The following ATP6V0A1 variants were observed in gnomAD, a reference collection of about 807,000 sequenced individuals.
ATP6V0A1 encodes V-type proton ATPase 116 kDa subunit a 1.
A neutral mutation model predicts 105.4 loss-of-function variants in ATP6V0A1; 43 were observed. The ratio of observed to expected loss-of-function variants is 0.41; its 90% CI spans 0.32 to 0.53. The LOEUF (loss-of-function observed/expected upper bound fraction) is 0.53. Ranked by LOEUF, ATP6V0A1 falls within the 20% of genes least tolerant of loss-of-function variation. The pLI is 0.30. For synonymous variants in ATP6V0A1, 362 were observed against 372.8 expected, an observed-to-expected ratio of 0.97 and a Z score of 0.33; for missense variants, 676 against 1,051.1, an observed-to-expected ratio of 0.64 and a Z score of 4.93.
At chr17:42,478,791 T>TAC in intron 7 of ATP6V0A1, 3 of 338,522 alleles carry the variant, frequency 8.9e-6, no homozygotes, top group Non-Finnish European at 1.5e-5. Flanking sequence ...ATACATGACA[T>TAC]ATACATATTT....
In ATP6V0A1 at chr17:42,468,135, G is replaced by A. The variant is rs779504261; in HGVS notation, c.294+28G>A. On this transcript the variant is annotated intron_variant, in intron 4 of 21. Transcript: ENST00000343619. ...AAACACTTCTGGGAAAACCAGAAAA[G>A]TTTCTTTCTACTTGAACGCAGAAAT... The A allele has an allele frequency of 4.1e-6, 6 of 1,470,908 alleles. No individual in the cohort carries two copies. The South Asian group carries it at 7.7e-5, about 19-fold the overall frequency. 91.1% of individuals were successfully genotyped at this position (1,470,908 alleles called of 1,614,324 possible).
In ATP6V0A1 at chr17:42,507,565, G is replaced by A; in HGVS notation, c.2050G>A (p.Glu684Lys). ...GATCAGGGTGGGCAACGGACCGACA[G>A]AGGAGGATGCTGAGATTATTCAGCA... is the stretch of plus-strand genomic sequence containing the variant. Reference protein sequence around the residue: ...GGIRVGNGPTEEDAEIIQHDQ... With the variant: ...GGIRVGNGPTKEDAEIIQHDQ... The change falls in exon 18 of 22, where the codon GAG becomes AAG. Residue 684 changes from glutamate (E) to lysine (K), a missense_variant. Coordinates refer to ENST00000343619, the MANE Select transcript of ATP6V0A1 (RefSeq NM_001130021.3). The A allele has an allele frequency of 6.2e-7, 1 of 1,613,766 alleles. No homozygotes were observed. Among genetic ancestry groups the A allele is most frequent in the Non-Finnish European group, 8.5e-7 (1 of 1,179,892 alleles).
intron 5 of ATP6V0A1, chr17:42,470,559 T>G: frequency 5.4e-6 from 1 of 185,396 alleles, no homozygotes; most frequent in Non-Finnish European, 1.1e-5. Context: ...GAAGCAAACA[T>G]TTGGTTATAG....
chr17:42,461,316 G>A (rs775398148), intron 2 of ATP6V0A1, among the ~76,000 whole-genome samples: 8 of 151,806 alleles, frequency 5.3e-5, no homozygotes, highest in Non-Finnish European at 1.0e-4. Context: ...AAATAGCAAG[G>A]TATTTAAAAA....
In ATP6V0A1 at chr17:42,487,516, A is replaced by C. The variant is rs541530437; in HGVS notation, c.1023+149A>C. 99 of 708,026 alleles carry C rather than the reference A, an allele frequency of 1.4e-4. No individual in the cohort carries two copies. In the East Asian group the frequency reaches 1.6e-3, roughly 11 times the overall value. The allele number at this position is 708,026 out of a possible 1,614,324, so 43.9% of individuals were successfully genotyped here. Reference sequence around the variant, plus strand: ...GCCGAGGCGGGCAGATCATGAGGTCAAGAGATCGAGACCATCCTGGCTAAC... The same window carrying C: ...GCCGAGGCGGGCAGATCATGAGGTCCAGAGATCGAGACCATCCTGGCTAAC... On this transcript the variant is annotated intron_variant, in intron 10 of 21. Coordinates refer to ENST00000343619, the MANE Select transcript of ATP6V0A1 (RefSeq NM_001130021.3).
chr17:42,505,890 C>T (rs975082548), intron 17 of ATP6V0A1, among the ~76,000 whole-genome samples: 5 of 151,486 alleles, frequency 3.3e-5, no homozygotes, highest in African/African-American at 1.2e-4. Context: ...CGGGTTTCAG[C>T]AGTTGTCCTG....
intron 11 of ATP6V0A1, 122 bp from the exon 12 acceptor site, chr17:42,494,212 T>G: frequency 1.0e-6 from 1 of 979,766 alleles, no homozygotes; most frequent in Non-Finnish European, 1.5e-6. Context: ...CATTGCTGGC[T>G]GACAGAGCAA....
rs144579981 is a variant in ATP6V0A1 at position 42,480,090 on chromosome 17, T to G, written c.634-577T>G. 3.1e-3 allele frequency among the ~76,000 whole-genome samples: 465 copies of G among 152,336 alleles called. 3 individuals are homozygous for G. Among genetic ancestry groups the G allele is most frequent in the African/African-American group, 0.011 (441 of 41,578 alleles). On this transcript the variant is annotated intron_variant, in intron 7 of 21. Transcript: ENST00000343619. ...TACAGGCAACCTGAGACAATCCTGGTTAACACACCATACACCTTTTTTTCT... is the reference window on the plus strand; with the variant it reads ...TACAGGCAACCTGAGACAATCCTGGGTAACACACCATACACCTTTTTTTCT...
At chr17:42,472,992 T>C (rs1242513891) in intron 5 of ATP6V0A1, among the ~76,000 whole-genome samples, 1 of 152,234 alleles carries the variant, frequency 6.6e-6, no homozygotes, top group African/African-American at 2.4e-5. Context: ...GAAGGTCTGC[T>C]GAGGATGTGA....
intron 9 of ATP6V0A1, among the ~76,000 whole-genome samples, chr17:42,485,216 G>C (rs1199373157): frequency 1.3e-5 from 2 of 152,070 alleles, no homozygotes; most frequent in Admixed American, 6.5e-5. Flanking sequence ...CCTATTGCTG[G>C]CTCCTTTGAG....
At chr17:42,472,638 C>T (rs34807589) in intron 5 of ATP6V0A1, among the ~76,000 whole-genome samples, 38,888 of 151,610 alleles carry the variant, frequency 0.26, 5,176 homozygotes, top group South Asian at 0.4. Flanking sequence ...GCAGGAGAAT[C>T]GCTTGAACCG....
intron 2 of ATP6V0A1, among the ~76,000 whole-genome samples, chr17:42,465,740 G>T (rs2086970021): frequency 6.6e-6 from 1 of 151,342 alleles, no homozygotes; most frequent in African/African-American, 2.4e-5. Flanking sequence ...GAGGTGGGTG[G>T]ATCACCTGAG....
intron 2 of ATP6V0A1, 24 bp from the exon 3 acceptor site, chr17:42,466,405 T>C: frequency 6.4e-7 from 1 of 1,558,568 alleles, no homozygotes; most frequent in Non-Finnish European, 8.8e-7. Flanking sequence ...TTTCAATGTT[T>C]GGTATTGTGT....
chr17:42,472,453 G>A (rs189802232), intron 5 of ATP6V0A1, among the ~76,000 whole-genome samples: 100 of 151,886 alleles, frequency 6.6e-4, no homozygotes, highest in Non-Finnish European at 1.1e-3. Flanking sequence ...GGCCGGGCGC[G>A]GTGGCTAACG....
intron 2 of ATP6V0A1, among the ~76,000 whole-genome samples, chr17:42,465,194 ATGT>A (rs199910221): frequency 0.021 from 3,239 of 151,600 alleles, 101 homozygotes; most frequent in African/African-American, 0.074. Flanking sequence ...GGGTTTCGCC[ATGT>A]TGTCCAGGCT....
chr17:42,473,692 G>A (rs776354096), intron 5 of ATP6V0A1, among the ~76,000 whole-genome samples: 29 of 152,062 alleles, frequency 1.9e-4, no homozygotes, highest in Non-Finnish European at 3.7e-4. Flanking sequence ...TCAAGACCTC[G>A]TAAGTTTAAG....
chr17:42,460,339 T>G (rs1157386231), intron 1 of ATP6V0A1: 1 of 152,350 alleles, frequency 6.6e-6, no homozygotes, highest in Non-Finnish European at 1.5e-5. Context: ...AGTGTAGCCA[T>G]AGCTTTAGGA....
At chr17:42,496,832 T>C (rs2091230127) in intron 14 of ATP6V0A1, among the ~76,000 whole-genome samples, 1 of 151,268 alleles carries the variant, frequency 6.6e-6, no homozygotes, top group African/African-American at 2.4e-5. Context: ...CAAGACTCCA[T>C]CTCAAAAAAA....
intron 21 of ATP6V0A1, chr17:42,519,201 A>G (rs775186834): frequency 1.3e-5 from 2 of 152,206 alleles, no homozygotes; most frequent in Non-Finnish European, 2.9e-5. Context: ...CTGGGCCCCC[A>G]TGGGTAGATA....
Sources: allele counts gnomAD v4.1 joint callset (sites outside exome capture counted in the v4.1 genomes callset), GRCh38; gene constraint gnomAD v4.1.1; transcripts MANE v1.5; gene names NCBI Gene and HGNC (gene_info 2026-07-23, HGNC 2026-07-21).